Variants in CLSTN3 observed in about 807,000 individuals in gnomAD.
CLSTN3 encodes the protein calsyntenin 3.
A neutral mutation model predicts 95.9 loss-of-function variants in CLSTN3; 36 were observed. The ratio of observed to expected loss-of-function variants is 0.38; its 90% CI spans 0.29 to 0.50. The LOEUF is 0.50. Ranked by LOEUF, CLSTN3 falls within the 20% of genes least tolerant of loss-of-function variation. The pLI is 0.95. For synonymous variants in CLSTN3, 481 were observed against 504.0 expected, an observed-to-expected ratio of 0.95 and a Z score of 0.61; for missense variants, 1,084 against 1,268.8, an observed-to-expected ratio of 0.85 and a Z score of 2.21.
chr12:7,143,400 A>C, intron 12 of CLSTN3, 89 bp downstream of exon 12: 1 of 1,435,624 alleles, frequency 7.0e-7, no homozygotes, highest in Non-Finnish European at 9.4e-7. Flanking sequence ...AGAGCTAGGC[A>C]TACCTCTTTT....
Position 7,137,194 on chromosome 12 carries a change from A to G in CLSTN3, c.1210+84A>G. The G allele has an allele frequency of 2.9e-6, 4 of 1,382,516 alleles. No individual in the cohort carries two copies. Among genetic ancestry groups the G allele is most frequent in the Non-Finnish European group, 3.9e-6 (4 of 1,015,986 alleles). 85.6% of individuals were successfully genotyped at this position (1,382,516 alleles called of 1,614,324 possible). A position where few individuals can be genotyped will look rare whatever the true frequency, so the allele number is the denominator to read the frequency against. On this transcript the variant is annotated intron_variant, in intron 7 of 17. Coordinates refer to ENST00000266546, the MANE Select transcript of CLSTN3 (RefSeq NM_014718.4). The surrounding 1 kb of genome is among the most constrained non-coding windows in gnomAD (Gnocchi z 4.4). ...GTCACTGCCCAGTGTGTGACTGTGA[A>G]CAGGTCACTTCCCCTCTCTTCATTT...
At chr12:7,153,254 A>C (rs1397219696) in intron 16 of CLSTN3, among the ~76,000 whole-genome samples, 1 of 152,132 alleles carries the variant, frequency 6.6e-6, no homozygotes, top group Admixed American at 6.5e-5. Context: ...CCTGAGCTCA[A>C]GCAATCCTCC....
At chr12:7,132,835 C>G in intron 1 of CLSTN3, 189 bp from the exon 2 acceptor site, 1 of 708,828 alleles carries the variant, frequency 1.4e-6, no homozygotes, top group South Asian at 1.7e-5. Flanking sequence ...TATGACCTCC[C>G]GCAGACCCTC....
rs761991814 is a variant in CLSTN3, at chr12:7,154,986, T to C, written c.2528-2503T>C. ...GAAACCTGAGCAGTTCTGAGAGCCG[T>C]GATAGGAGCCAAACGCTATTTCATG... is the stretch of plus-strand genomic sequence containing the variant. On this transcript the variant is annotated intron_variant, in intron 16 of 17. Transcript: ENST00000266546. Among the ~76,000 whole-genome samples the C allele has an allele frequency of 3.3e-5, 5 of 152,244 alleles. No homozygotes were observed. In the East Asian group the frequency reaches 5.8e-4, roughly 18 times the overall value.
In CLSTN3 at chr12:7,133,833, C is replaced by A; in HGVS notation, c.383+65C>A. On this transcript the variant is annotated intron_variant, in intron 3 of 17. Transcript: ENST00000266546. The surrounding 1 kb of genome is among the most constrained non-coding windows in gnomAD (Gnocchi z 4.7). ...TCCTCCTCCCTGCTCCCAAGCCCAC[C>A]ATCCTCTGTCCGTGCGGTCATCGAA... 3.0e-6 allele frequency: 4 copies of A among 1,353,550 alleles called. No individual in the cohort carries two copies. In the South Asian group the frequency reaches 5.6e-5, roughly 19 times the overall value. 83.8% of individuals were successfully genotyped at this position (1,353,550 alleles called of 1,614,324 possible).
Position 7,130,550 on chromosome 12 carries a change from C to T in CLSTN3, c.-99C>T. ...GTCCCTGCCCTGCTGTACCCCGCTCCTTGGAGACCCCCTGTATCCCTCCCG... is the reference window on the plus strand; with the variant it reads ...GTCCCTGCCCTGCTGTACCCCGCTCTTTGGAGACCCCCTGTATCCCTCCCG... On this transcript the variant is annotated 5_prime_UTR_variant, in exon 1 of 18. Coordinates refer to ENST00000266546, the MANE Select transcript of CLSTN3 (RefSeq NM_014718.4). The T allele has an allele frequency of 1.9e-6, 3 of 1,546,916 alleles. No homozygotes were observed. The highest frequency in any genetic ancestry group is 2.6e-6 in the Non-Finnish European group (3 of 1,146,730).
chr12:7,130,324 T>A, upstream of CLSTN3: 193 of 797,628 alleles, frequency 2.4e-4, no homozygotes, highest in Middle Eastern at 1.1e-3. Context: ...CCCAGTCACC[T>A]GATTGGCCGG....
intron 1 of CLSTN3, chr12:7,131,367 C>T (rs1282660026): frequency 9.1e-6 from 2 of 218,792 alleles, no homozygotes; most frequent in South Asian, 6.8e-5. Flanking sequence ...TAGGTGGAAA[C>T]GGATGGAGAC....
intron 16 of CLSTN3, chr12:7,156,423 A>T (rs1310370360): frequency 5.0e-5 from 23 of 456,540 alleles, no homozygotes; most frequent in South Asian, 3.3e-4. Context: ...TGTAGTGTCT[A>T]TGTCTTCCTT....
chr12:7,129,550 A>C, upstream of CLSTN3: 1 of 923,418 alleles, frequency 1.1e-6, no homozygotes, highest in Non-Finnish European at 1.3e-6. The surrounding 1 kb of genome is among the most constrained non-coding windows in gnomAD (Gnocchi z 5.5). Flanking sequence ...TTGGCTTGGG[A>C]CCCAGGGGGT....
chr12:7,137,535 C>G lies in CLSTN3; in HGVS notation c.1211-420C>G, dbSNP rs1469075951. The stretch of plus-strand genomic sequence containing the variant: ...TCCCTCAACTGCAGGGCCTACTTCA[C>G]TGGAGAGGGCTTAGTCTTGACCTGC... On this transcript the variant is annotated intron_variant, in intron 7 of 17. Coordinates refer to ENST00000266546, the MANE Select transcript of CLSTN3 (RefSeq NM_014718.4). The surrounding 1 kb of genome is among the most constrained non-coding windows in gnomAD (Gnocchi z 4.4). Among the ~76,000 whole-genome samples, 1 of 152,224 alleles carries G rather than the reference C, an allele frequency of 6.6e-6. No individual in the cohort carries two copies. Among genetic ancestry groups the G allele is most frequent in the Non-Finnish European group, 1.5e-5 (1 of 68,042 alleles).
rs1219766799 is a variant in CLSTN3, at chr12:7,158,475, C to G, written c.*394C>G. The G allele has an allele frequency of 6.0e-6, 1 of 165,936 alleles. No homozygotes were observed. Among genetic ancestry groups the G allele is most frequent in the African/African-American group, 2.4e-5 (1 of 41,816 alleles). The allele number at this position is 165,936 out of a possible 1,614,324, so 10.3% of individuals were successfully genotyped here. On this transcript the variant is annotated 3_prime_UTR_variant, in exon 18 of 18. Coordinates refer to ENST00000266546, the MANE Select transcript of CLSTN3 (RefSeq NM_014718.4). ...GAAGGAAACCCTCTCCTCTCCCCTT[C>G]CCTTCTCTCTCCTGTCCATGGGAAG...
intron 10 of CLSTN3, 77 bp from the exon 11 acceptor site, chr12:7,142,792 C>T (rs2135804928): frequency 2.5e-6 from 3 of 1,211,724 alleles, no homozygotes; most frequent in South Asian, 1.2e-5. Flanking sequence ...TCTCTCCTTT[C>T]CCTTTCTCTC....
At chr12:7,130,082 C>T, upstream of CLSTN3, 1 of 200,680 alleles carries the variant, frequency 5.0e-6, no homozygotes, top group Non-Finnish European at 1.0e-5. Flanking sequence ...TCCTGGCCGC[C>T]CTCAGGTCCC....
At chr12:7,131,930 G>A in intron 1 of CLSTN3, 1 of 456,262 alleles carries the variant, frequency 2.2e-6, no homozygotes, top group South Asian at 1.5e-5. Context: ...GAGATACTGG[G>A]GATGAGGTTC....
upstream of CLSTN3, chr12:7,130,321 A>ACCCC: frequency 1.6e-6 from 1 of 624,782 alleles, no homozygotes; most frequent in South Asian, 4.4e-5. Flanking sequence ...CCTCCCAGTC[A>ACCCC]CCTGATTGGC....
Position 7,135,426 on chromosome 12 carries a change from T to G in CLSTN3, c.483T>G (p.Asp161Glu). The G allele has an allele frequency of 6.2e-7, 1 of 1,614,094 alleles. No individual in the cohort carries two copies. The highest frequency in any genetic ancestry group is 8.5e-7 in the Non-Finnish European group (1 of 1,179,982). Reference sequence around the variant, plus strand: ...CTGTGACAGAGGGGAAGCTGTACGATCGCATCCTGCGGGTGGAAGCCATTG... The same window carrying G: ...CTGTGACAGAGGGGAAGCTGTACGAGCGCATCCTGCGGGTGGAAGCCATTG... ...RAAVTEGKLY[D>E]RILRVEAIDG... is the part of the protein sequence containing the mutation. The change falls in exon 4 of 18, where the codon GAT becomes GAG. Residue 161 changes from aspartate to glutamate, a missense_variant. Physicochemically the swap from Asp to Glu is conservative, Grantham distance 45. Transcript: ENST00000266546.
chr12:7,132,621 T>A (rs1209208306), intron 1 of CLSTN3: 1 of 456,170 alleles, frequency 2.2e-6, no homozygotes. Flanking sequence ...CTGCCCTTAA[T>A]CTATCCCTTC....
intron 1 of CLSTN3, among the ~76,000 whole-genome samples, chr12:7,132,141 C>T (rs1198015805): frequency 6.6e-6 from 1 of 152,080 alleles, no homozygotes; most frequent in African/African-American, 2.4e-5. Flanking sequence ...GTCCCGCATC[C>T]ATTCTGAATT....
Sources: allele counts gnomAD v4.1 joint callset (sites outside exome capture counted in the v4.1 genomes callset), GRCh38; gene constraint gnomAD v4.1.1; non-coding constraint Gnocchi (gnomAD v3.1); transcripts MANE v1.5; gene names NCBI Gene and HGNC (gene_info 2026-07-23, HGNC 2026-07-21).